The following ARHGAP35 variants were observed in gnomAD, a reference collection of about 807,000 sequenced individuals.
ARHGAP35 encodes the protein rho GTPase-activating protein 35.
Under a neutral mutation model 111.1 loss-of-function variants are expected in ARHGAP35, and 15 were observed. The observed-to-expected ratio is 0.13, with a 90% confidence interval of 0.09 to 0.21. ARHGAP35 has a LOEUF of 0.21. ARHGAP35 is among the 10% of genes least tolerant of loss of function. The pLI, the probability that ARHGAP35 is intolerant of heterozygous loss-of-function variation, is 1.00. For synonymous variants in ARHGAP35, 643 were observed against 710.3 expected, an observed-to-expected ratio of 0.91 and a Z score of 1.51; for missense variants, 1,262 against 1,873.0, an observed-to-expected ratio of 0.67 and a Z score of 6.02.
chr19:46,898,504 C>T (rs1472495563), intron 1 of ARHGAP35, among the ~76,000 whole-genome samples: 1 of 152,136 alleles, frequency 6.6e-6, no homozygotes, highest in East Asian at 1.9e-4. Context: ...AATTGCTAGT[C>T]CTCATTCCTT....
At chr19:46,902,315 G>A (rs1265553970) in intron 1 of ARHGAP35, among the ~76,000 whole-genome samples, 5 of 152,132 alleles carry the variant, frequency 3.3e-5, no homozygotes, top group African/African-American at 7.2e-5. Context: ...AATGATACAG[G>A]TTTATGGCCT....
chr19:46,972,331 A>G (rs573780295), intron 3 of ARHGAP35, among the ~76,000 whole-genome samples: 5 of 152,362 alleles, frequency 3.3e-5, no homozygotes, highest in Middle Eastern at 6.8e-3. Flanking sequence ...TAGAATAAGT[A>G]ATATGCATAT....
chr19:46,912,417 C>T (rs1353130448), intron 1 of ARHGAP35, among the ~76,000 whole-genome samples: 3 of 151,514 alleles, frequency 2.0e-5, no homozygotes, highest in Non-Finnish European at 4.4e-5. Context: ...TGCAGTGGCA[C>T]GATCTCGGCT....
At chr19:46,983,762 C>T (rs1444458338) in intron 3 of ARHGAP35, among the ~76,000 whole-genome samples, 6 of 151,822 alleles carry the variant, frequency 4.0e-5, no homozygotes, top group African/African-American at 1.2e-4. Flanking sequence ...TACAGGCACC[C>T]GCCACCATGC....
At position 46,986,297 on chromosome 19, in the gene ARHGAP35, C is replaced by A. The variant is rs561593858; in HGVS notation, c.3827-1692C>A. On this transcript the variant is annotated intron_variant, in intron 3 of 6. Transcript: ENST00000672722. This position sits in a 1 kb window ranked among gnomAD's most constrained non-coding sequence, Gnocchi z 4.3. ...CTCTAAGCTGAACAGTGCTCCTCTG[C>A]CCACGGTAGGATGGGGAGGGAGTGG... 6.6e-6 allele frequency among the ~76,000 whole-genome samples: 1 copy of A among 152,138 alleles called. No individual in the cohort carries two copies. The highest frequency in any genetic ancestry group is 1.5e-5 in the Non-Finnish European group (1 of 68,024).
chr19:46,952,269 G>T (rs2056417017), intron 3 of ARHGAP35, among the ~76,000 whole-genome samples: 1 of 152,008 alleles, frequency 6.6e-6, no homozygotes, highest in African/African-American at 2.4e-5. Flanking sequence ...AGTTCTGAAT[G>T]AGTGTGTCAT....
In ARHGAP35 at chr19:46,936,089, G is replaced by T. The variant is rs114722562; in HGVS notation, c.3682-1175G>T. 9.7e-3 allele frequency among the ~76,000 whole-genome samples: 1,470 copies of T among 152,206 alleles called. 19 individuals are homozygous for T. Among genetic ancestry groups the T allele is most frequent in the African/African-American group, 0.031 (1,301 of 41,546 alleles). ...ACATAGTGAGACCCTCATCTCTACAGAAAATTTAAAAATTAGCCTGGGTAC... is the reference window on the plus strand; with the variant it reads ...ACATAGTGAGACCCTCATCTCTACATAAAATTTAAAAATTAGCCTGGGTAC... On this transcript the variant is annotated intron_variant, in intron 2 of 6. Coordinates refer to ENST00000672722, the MANE Select transcript of ARHGAP35 (RefSeq NM_004491.5).
intron 1 of ARHGAP35, among the ~76,000 whole-genome samples, chr19:46,878,848 CT>C (rs2055941400): frequency 6.6e-6 from 1 of 152,164 alleles, no homozygotes; most frequent in Non-Finnish European, 1.5e-5. Context: ...GTGGAGGGTC[CT>C]GCCTTGATGC....
chr19:46,872,278 T>C (rs978177681), intron 1 of ARHGAP35, among the ~76,000 whole-genome samples: 1 of 152,094 alleles, frequency 6.6e-6, no homozygotes, highest in Non-Finnish European at 1.5e-5. Context: ...AAAATATATA[T>C]GTGAAAAAGT....
At chr19:46,937,124 G>A (rs181412186) in intron 2 of ARHGAP35, 140 bp from the exon 3 acceptor site, 3 of 1,067,128 alleles carry the variant, frequency 2.8e-6, no homozygotes, top group East Asian at 5.3e-5. Flanking sequence ...ACAGGCATGA[G>A]TCACCGTATC....
intron 1 of ARHGAP35, among the ~76,000 whole-genome samples, chr19:46,867,206 A>G (rs1417404014): frequency 6.6e-6 from 1 of 152,224 alleles, no homozygotes; most frequent in African/African-American, 2.4e-5. Context: ...TTTAGTTGAA[A>G]ATAGCCAGAC....
In ARHGAP35 at chr19:46,973,359, G is replaced by A. The variant is rs542825311; in HGVS notation, c.3827-14630G>A. On this transcript the variant is annotated intron_variant, in intron 3 of 6. Transcript: ENST00000672722. ...AGCCTGGATGACAGAGCGAGACTCC[G>A]TCTCAAAAATAAATACATAAATAAA... is the stretch of plus-strand genomic sequence containing the variant. Among the ~76,000 whole-genome samples the A allele has an allele frequency of 5.8e-3, 875 of 149,926 alleles. 7 individuals carry two copies. Among genetic ancestry groups the A allele is most frequent in the Non-Finnish European group, 0.01 (697 of 67,436 alleles).
At chr19:46,979,768 G>A (rs374776784) in intron 3 of ARHGAP35, among the ~76,000 whole-genome samples, 15 of 152,286 alleles carry the variant, frequency 9.8e-5, no homozygotes, top group Middle Eastern at 3.4e-3. Flanking sequence ...TCAAGTCATC[G>A]TAATAGAGTG....
At chr19:46,902,512 GC>G (rs1338770893) in intron 1 of ARHGAP35, among the ~76,000 whole-genome samples, 2 of 152,156 alleles carry the variant, frequency 1.3e-5, no homozygotes, top group Admixed American at 1.3e-4. Flanking sequence ...ACACATTGTA[GC>G]CTGGTCTGTG....
intron 1 of ARHGAP35, among the ~76,000 whole-genome samples, chr19:46,869,130 C>T (rs1480308348): frequency 6.6e-6 from 1 of 151,976 alleles, no homozygotes; most frequent in Admixed American, 6.6e-5. Flanking sequence ...TGGTCTTGAA[C>T]TCCTGACCTC....
rs891038823 is a variant in ARHGAP35 at position 47,001,002 on chromosome 19, G to A, written c.*314G>A. 11 of 1,471,896 alleles carry A rather than the reference G, an allele frequency of 7.5e-6. No individual in the cohort carries two copies. In the African/African-American group the frequency reaches 1.3e-4, roughly 17 times the overall value. 91.2% of individuals were successfully genotyped at this position (1,471,896 alleles called of 1,614,324 possible). On this transcript the variant is annotated 3_prime_UTR_variant, in exon 7 of 7. Transcript: ENST00000672722. The surrounding 1 kb of genome is among the most constrained non-coding windows in gnomAD (Gnocchi z 5.4). Reference sequence around the variant, plus strand: ...TAGCTGCTCACACCAGCCTCCGGGTGCCTCCCTCTGCTTGTACAGAGCCCA... The same window carrying A: ...TAGCTGCTCACACCAGCCTCCGGGTACCTCCCTCTGCTTGTACAGAGCCCA...
intron 1 of ARHGAP35, among the ~76,000 whole-genome samples, chr19:46,865,431 A>G (rs1382526590): frequency 6.6e-6 from 1 of 152,110 alleles, no homozygotes; most frequent in Non-Finnish European, 1.5e-5. Flanking sequence ...AGGTCGATGC[A>G]TTTAGAACAG....
At position 46,913,232 on chromosome 19, in the gene ARHGAP35, C is replaced by T. The variant is rs113618721; in HGVS notation, c.-188-5256C>T. 2.9e-3 allele frequency among the ~76,000 whole-genome samples: 433 copies of T among 148,666 alleles called. 5 individuals carry two copies. The highest frequency in any genetic ancestry group is 0.01 in the African/African-American group (410 of 40,074). ...CAGAGCACACAAACATTTCCTACTT[C>T]GGGGAGAGAGGGATGAGGTTGCTGT... On this transcript the variant is annotated intron_variant, in intron 1 of 6. Transcript: ENST00000672722.
chr19:46,984,234 G>A (rs964333317), intron 3 of ARHGAP35, among the ~76,000 whole-genome samples: 1 of 152,204 alleles, frequency 6.6e-6, no homozygotes, highest in Non-Finnish European at 1.5e-5. Flanking sequence ...GGAGCCTGCA[G>A]TAGACATGGT....
Sources: gnomAD v4.1 joint callset for allele counts (sites outside exome capture counted in the v4.1 genomes callset) on GRCh38, gnomAD v4.1.1 for gene constraint, Gnocchi (gnomAD v3.1) non-coding constraint, MANE v1.5 for transcripts, NCBI Gene and HGNC (gene_info 2026-07-23, HGNC 2026-07-21) for gene names.